Variants in RAD50 observed in about 807,000 individuals in gnomAD.
RAD50 encodes the protein DNA repair protein RAD50.
In RAD50, 132 loss-of-function variants were observed where a neutral mutation model predicts 168.8. The ratio of observed to expected loss-of-function variants is 0.78; its 90% CI spans 0.68 to 0.90. The LOEUF is 0.90. Ranked by LOEUF, RAD50 falls within the 40% of genes least tolerant of loss-of-function variation. The pLI is 0.00. For synonymous variants in RAD50, 525 were observed against 497.4 expected, an observed-to-expected ratio of 1.06 and a Z score of -0.74; for missense variants, 1,347 against 1,534.4, an observed-to-expected ratio of 0.88 and a Z score of 2.04.
intron 24 of RAD50, 63 bp from the exon 25 acceptor site, chr5:132,642,114 CT>C: frequency 6.5e-7 from 1 of 1,544,278 alleles, no homozygotes; most frequent in Non-Finnish European, 8.9e-7. Context: ...TTTGCGGTGA[CT>C]TTTCAAATCA....
rs1376101203 is a variant in RAD50 at position 132,643,808 on chromosome 5, G to T, written c.*1444G>T. 1 of 230,100 alleles carries T rather than the reference G, an allele frequency of 4.3e-6. No homozygotes were observed. The highest frequency in any genetic ancestry group is 6.1e-5 in the East Asian group (1 of 16,338). The allele number at this position is 230,100 out of a possible 1,614,324, so 14.3% of individuals were successfully genotyped here. On this transcript the variant is annotated 3_prime_UTR_variant, in exon 25 of 25. Transcript: ENST00000378823. The stretch of plus-strand genomic sequence containing the variant: ...TATATTAAACATCCACAATAACCAA[G>T]ATATTTTTATCCCAAGAATGCAAGA...
At chr5:132,588,599 A>G (rs1354541954) in intron 7 of RAD50, 88 bp from the exon 8 acceptor site, 2 of 1,327,906 alleles carry the variant, frequency 1.5e-6, no homozygotes, top group Admixed American at 4.4e-5. Flanking sequence ...GACACACTGC[A>G]TTATTTTTTA....
At chr5:132,607,437 A>G (rs990598400) in intron 16 of RAD50, among the ~76,000 whole-genome samples, 4 of 152,272 alleles carry the variant, frequency 2.6e-5, no homozygotes, top group African/African-American at 9.6e-5. Flanking sequence ...CTAAGACTCA[A>G]CCAGTTATAA....
Position 132,646,130 on chromosome 5 carries a change from G to A in RAD50, c.*3766G>A, listed in dbSNP as rs1271245868. On this transcript the variant is annotated 3_prime_UTR_variant, in exon 25 of 25. Coordinates refer to ENST00000378823, the MANE Select transcript of RAD50 (RefSeq NM_005732.4). ...AAAAAAAAAGCAGCAGCAGCTGAAA[G>A]TTGGCAGGAGCACACTGGCAGTTCC... The A allele has an allele frequency of 7.0e-6, 1 of 142,386 alleles. No homozygotes were observed. The highest frequency in any genetic ancestry group is 1.5e-5 in the Non-Finnish European group (1 of 66,188). 8.8% of individuals were successfully genotyped at this position (142,386 alleles called of 1,614,324 possible).
intron 19 of RAD50, among the ~76,000 whole-genome samples, chr5:132,613,667 A>C (rs545119105): frequency 1.3e-5 from 2 of 148,510 alleles, no homozygotes; most frequent in East Asian, 3.9e-4. Flanking sequence ...GCAGTGGCAC[A>C]ATCTCGGCTC....
chr5:132,637,975 G>A, intron 22 of RAD50, 106 bp from the exon 23 acceptor site: 6 of 1,256,394 alleles, frequency 4.8e-6, no homozygotes, highest in Non-Finnish European at 6.9e-6. Context: ...TTTTCCTCTG[G>A]TAATGTCAGC....
At chr5:132,616,779 C>T (rs997093956) in intron 20 of RAD50, among the ~76,000 whole-genome samples, 5 of 152,192 alleles carry the variant, frequency 3.3e-5, no homozygotes, top group African/African-American at 4.8e-5. Flanking sequence ...AGATTGTCAA[C>T]CACCTCAGCT....
At chr5:132,589,923 C>A in intron 9 of RAD50, 86 bp downstream of exon 9, 1 of 1,221,210 alleles carries the variant, frequency 8.2e-7, no homozygotes, top group Non-Finnish European at 1.2e-6. Flanking sequence ...AAGATTATAG[C>A]ATTTTAATAA....
rs113206956 is a variant in RAD50, at chr5:132,560,077, C to CAT, written c.213+720_213+721dup. Among the ~76,000 whole-genome samples, 123 of 139,462 alleles carry CAT rather than the reference C, an allele frequency of 8.8e-4. 1 individual carries two copies. Among genetic ancestry groups the CAT allele is most frequent in the African/African-American group, 3.3e-3 (102 of 31,096 alleles). 91.5% of individuals were successfully genotyped at this position (139,462 alleles called of 152,430 possible). On this transcript the variant is annotated intron_variant, in intron 2 of 24. Transcript: ENST00000378823. ...ACACACACACACACACACACACACA[C>CAT]ATATATATATAGTTTATTCGTTTTT...
At chr5:132,616,248 C>T in intron 20 of RAD50, 118 bp downstream of exon 20, 1 of 980,460 alleles carries the variant, frequency 1.0e-6, no homozygotes, top group South Asian at 1.4e-5. Context: ...TTGAGAGTTA[C>T]TAGAAGGTGA....
chr5:132,628,033 A>G (rs1015916927), intron 21 of RAD50, among the ~76,000 whole-genome samples: 1 of 152,198 alleles, frequency 6.6e-6, no homozygotes, highest in Non-Finnish European at 1.5e-5. Context: ...GAACAACAGG[A>G]TATTGGGAGA....
intron 3 of RAD50, among the ~76,000 whole-genome samples, chr5:132,576,963 G>C (rs1750411009): frequency 6.6e-6 from 1 of 152,302 alleles, no homozygotes; most frequent in Non-Finnish European, 1.5e-5. Context: ...TTAACATGTA[G>C]TAAGAGTTCA....
chr5:132,600,457 A>G (rs1366189970), intron 13 of RAD50, among the ~76,000 whole-genome samples: 1 of 152,220 alleles, frequency 6.6e-6, no homozygotes, highest in South Asian at 2.1e-4. Context: ...AAAGTTGTGG[A>G]AGATGAGCTC....
At chr5:132,617,471 T>C (rs978689699) in intron 20 of RAD50, among the ~76,000 whole-genome samples, 4 of 152,168 alleles carry the variant, frequency 2.6e-5, no homozygotes, top group Non-Finnish European at 4.4e-5. Context: ...TAAATGAAGA[T>C]TTTTAAAGCA....
intron 1 of RAD50, among the ~76,000 whole-genome samples, chr5:132,558,709 C>T (rs898750438): frequency 3.3e-5 from 4 of 120,168 alleles, no homozygotes; most frequent in Non-Finnish European, 5.1e-5. Context: ...GGGAGACTCT[C>T]TCCCCCCACA....
chr5:132,627,117 G>A (rs997294937), intron 21 of RAD50, among the ~76,000 whole-genome samples: 2 of 152,142 alleles, frequency 1.3e-5, no homozygotes, highest in African/African-American at 4.8e-5. Flanking sequence ...CTGGCCTCAA[G>A]TGATCCACCC....
At chr5:132,593,037 A>AT (rs539907200) in intron 11 of RAD50, 16 of 348,444 alleles carry the variant, frequency 4.6e-5, no homozygotes, top group East Asian at 7.5e-5. Context: ...GAAGAAGATG[A>AT]TTTTTTTTCC....
In RAD50 at chr5:132,588,874, A is replaced by G. The variant is rs182206007; in HGVS notation, c.1239A>G (p.Gln413=). ...RQEGEAKTAN[Q]LMNDFAEKET... Reference sequence around the variant, plus strand: ...AAGGGGAAGCAAAAACTGCCAACCAACTGATGGCAAGTATTTTGAAATACA... The same window carrying G: ...AAGGGGAAGCAAAAACTGCCAACCAGCTGATGGCAAGTATTTTGAAATACA... Residue 413 remains glutamine, a synonymous_variant, in exon 8 of 25, where the codon CAA becomes CAG. Transcript: ENST00000378823. The G allele has an allele frequency of 1.5e-5, 24 of 1,608,966 alleles. No individual in the cohort carries two copies. In the Admixed American group the frequency reaches 3.8e-4, roughly 26 times the overall value.
At chr5:132,612,441 G>T (rs571681302) in intron 19 of RAD50, among the ~76,000 whole-genome samples, 1 of 152,310 alleles carries the variant, frequency 6.6e-6, no homozygotes, top group Admixed American at 6.5e-5. Flanking sequence ...GTATAACCTT[G>T]TAAATAAAGT....
Sources: gnomAD v4.1 joint callset for allele counts (sites outside exome capture counted in the v4.1 genomes callset) on GRCh38, gnomAD v4.1.1 for gene constraint, MANE v1.5 for transcripts, NCBI Gene and HGNC (gene_info 2026-07-23, HGNC 2026-07-21) for gene names.